The following SIPA1L2 variants were observed in gnomAD, a reference collection of about 807,000 sequenced individuals.
SIPA1L2 encodes the protein signal-induced proliferation-associated 1-like protein 2.
Under a neutral mutation model 163.9 loss-of-function variants are expected in SIPA1L2, and 56 were observed. That is an observed-to-expected ratio of 0.34 (90% confidence interval 0.28 to 0.43). The LOEUF (loss-of-function observed/expected upper bound fraction) is 0.43, where lower values mean the gene tolerates loss of function less well. Ranked by LOEUF, SIPA1L2 falls within the 20% of genes least tolerant of loss-of-function variation. The probability of loss-of-function intolerance (pLI) is 1.00; values close to 1 mark genes in which losing one functional copy is unlikely to be tolerated. For synonymous variants in SIPA1L2, 877 were observed against 865.7 expected (o/e 1.01, Z -0.23); for missense variants, 1,974 against 2,193.5 (o/e 0.90, Z 2.00).
At chr1:232,502,120 G>A (rs1666511116) in intron 3 of SIPA1L2, among the ~76,000 whole-genome samples, 1 of 152,138 alleles carries the variant, frequency 6.6e-6, no homozygotes, top group African/African-American at 2.4e-5. Flanking sequence ...TGCCTAATCT[G>A]GGCTTTGATA....
chr1:232,616,821 T>A (rs1662525039), intron 1 of SIPA1L2, among the ~76,000 whole-genome samples: 1 of 152,210 alleles, frequency 6.6e-6, no homozygotes, highest in African/African-American at 2.4e-5. Context: ...TTCATTTATG[T>A]TTGGAGAGGT....
At chr1:232,604,831 T>A (rs1268027766) in intron 1 of SIPA1L2, among the ~76,000 whole-genome samples, 1 of 152,132 alleles carries the variant, frequency 6.6e-6, no homozygotes, top group Non-Finnish European at 1.5e-5. Flanking sequence ...TCCTCCTGTG[T>A]GGGCCATATA....
At chr1:232,438,901 A>AAC in intron 15 of SIPA1L2, among the ~76,000 whole-genome samples, 1 of 152,152 alleles carries the variant, frequency 6.6e-6, no homozygotes, top group Non-Finnish European at 1.5e-5. Flanking sequence ...AAAAAAAAAA[A>AAC]ACACCAACAA....
At chr1:232,543,722 G>T (rs960301248) in intron 2 of SIPA1L2, among the ~76,000 whole-genome samples, 1 of 152,046 alleles carries the variant, frequency 6.6e-6, no homozygotes, top group Non-Finnish European at 1.5e-5. Context: ...TTTAAAAATT[G>T]GCCAGGAGTG....
chr1:232,508,926 T>C (rs1666857645), intron 3 of SIPA1L2, among the ~76,000 whole-genome samples: 1 of 152,126 alleles, frequency 6.6e-6, no homozygotes, highest in Non-Finnish European at 1.5e-5. Flanking sequence ...ACCCCATCTC[T>C]ACTAAAAATA....
chr1:232,462,477 A>G, intron 9 of SIPA1L2: 1 of 980,824 alleles, frequency 1.0e-6, no homozygotes, highest in Non-Finnish European at 1.4e-6. Context: ...TTCCATGGTT[A>G]CCACAAGTGC....
At chr1:232,570,748 A>G (rs1233275001) in intron 2 of SIPA1L2, among the ~76,000 whole-genome samples, 1 of 152,326 alleles carries the variant, frequency 6.6e-6, no homozygotes, top group East Asian at 1.9e-4. Flanking sequence ...AAAAATATAA[A>G]TAAAACTTAA....
intron 15 of SIPA1L2, among the ~76,000 whole-genome samples, chr1:232,433,717 A>G (rs1156384479): frequency 6.6e-6 from 1 of 152,182 alleles, no homozygotes; most frequent in Non-Finnish European, 1.5e-5. Context: ...TGTTTTATGA[A>G]AAACAAAAGT....
chr1:232,575,772 C>A (rs1327978024), intron 1 of SIPA1L2, among the ~76,000 whole-genome samples: 3 of 152,248 alleles, frequency 2.0e-5, no homozygotes, highest in African/African-American at 7.2e-5. Context: ...TAGAAGCAAC[C>A]CAAACGCCCA....
At chr1:232,406,172 G>C (rs1333645570) in intron 19 of SIPA1L2, among the ~76,000 whole-genome samples, 1 of 152,170 alleles carries the variant, frequency 6.6e-6, no homozygotes, top group Admixed American at 6.5e-5. Context: ...GCTTATTTCT[G>C]ATGATAAATA....
intron 3 of SIPA1L2, among the ~76,000 whole-genome samples, chr1:232,499,978 C>A (rs1055251094): frequency 6.9e-6 from 1 of 144,466 alleles, no homozygotes; most frequent in Non-Finnish European, 1.5e-5. Context: ...GTATGGTTTA[C>A]TGACTTTTTT....
At chr1:232,565,085 A>G (rs1253582931) in intron 2 of SIPA1L2, among the ~76,000 whole-genome samples, 1 of 152,230 alleles carries the variant, frequency 6.6e-6, no homozygotes, top group African/African-American at 2.4e-5. Flanking sequence ...ATGAGTAAGT[A>G]CACTAAATGA....
At chr1:232,491,137 C>A in intron 4 of SIPA1L2, 75 bp from the exon 5 acceptor site, 1 of 1,328,824 alleles carries the variant, frequency 7.5e-7, no homozygotes, top group Non-Finnish European at 1.0e-6. Context: ...TGTTTGGCTG[C>A]CTTAAGACAG....
chr1:232,538,397 C>A (rs968267082), intron 2 of SIPA1L2, among the ~76,000 whole-genome samples: 6 of 152,152 alleles, frequency 3.9e-5, no homozygotes, highest in Non-Finnish European at 7.4e-5. Flanking sequence ...GTTATACCTC[C>A]AGAATGACTC....
At chr1:232,517,476 C>A (rs997200846) in intron 2 of SIPA1L2, among the ~76,000 whole-genome samples, 4 of 152,024 alleles carry the variant, frequency 2.6e-5, no homozygotes, top group African/African-American at 9.7e-5. Context: ...TGAGTTTAAG[C>A]CACCAACTAA....
At chr1:232,597,474 G>A (rs1014613457) in intron 1 of SIPA1L2, among the ~76,000 whole-genome samples, 4 of 150,008 alleles carry the variant, frequency 2.7e-5, no homozygotes, top group Non-Finnish European at 5.9e-5. Flanking sequence ...TCAGGAGATC[G>A]AGACCATCCT....
chr1:232,619,275 T>C (rs1220030060), intron 1 of SIPA1L2, among the ~76,000 whole-genome samples: 2 of 152,204 alleles, frequency 1.3e-5, no homozygotes, highest in Admixed American at 6.5e-5. Flanking sequence ...TTCCTAACCA[T>C]GCAAACCCAC....
intron 2 of SIPA1L2, among the ~76,000 whole-genome samples, chr1:232,526,600 G>A (rs973268764): frequency 1.3e-5 from 2 of 152,296 alleles, no homozygotes; most frequent in African/African-American, 2.4e-5. Context: ...TGTGCAGCCC[G>A]GTTCCTAACA....
chr1:232,465,066 C>T lies in SIPA1L2; in HGVS notation c.2594G>A (p.Gly865Asp), dbSNP rs753165825. 15 of 1,614,168 alleles carry T rather than the reference C, an allele frequency of 9.3e-6. No homozygotes were observed. The South Asian group carries it at 9.9e-5, about 11-fold the overall frequency. ...AAGACATTCAATGTCAGCAGACTGG[C>T]CGAAGTCCCGGGCTATCACGTGCCA... is the stretch of plus-strand genomic sequence containing the variant. ...IMWHVIARDFGQSADIECLLG... is the reference protein window; with the variant it reads ...IMWHVIARDFDQSADIECLLG... The change falls in exon 9 of 23, where the codon GGC becomes GAC. Residue 865 changes from glycine (G) to aspartate (D), a missense_variant. Physicochemically the swap from Gly to Asp is moderately conservative, Grantham distance 94. Transcript: ENST00000674635. This position sits in a 1 kb window ranked among gnomAD's most constrained non-coding sequence, Gnocchi z 4.1.
Sources: gnomAD v4.1 joint callset for allele counts (sites outside exome capture counted in the v4.1 genomes callset) on GRCh38, gnomAD v4.1.1 for gene constraint, Gnocchi (gnomAD v3.1) non-coding constraint, MANE v1.5 for transcripts, NCBI Gene and HGNC (gene_info 2026-07-23, HGNC 2026-07-21) for gene names.